USF1: variants seen among roughly 807,000 people sequenced by gnomAD.
USF1 encodes the protein upstream stimulatory factor 1.
In USF1, 22 loss-of-function variants were observed where a neutral mutation model predicts 46.3. That is an observed-to-expected ratio of 0.47 (90% CI 0.34 to 0.68). The LOEUF is 0.68. USF1 is among the 30% of genes least tolerant of loss of function. The pLI is 0.01. For synonymous variants in USF1, 150 were observed against 147.0 expected (o/e 1.02, Z -0.15); for missense variants, 287 against 399.3 (o/e 0.72, Z 2.40).
intron 3 of USF1, 63 bp from the exon 4 acceptor site, chr1:161,042,733 G>T: frequency 6.2e-7 from 1 of 1,609,438 alleles, no homozygotes; most frequent in Non-Finnish European, 8.5e-7. Flanking sequence ...CGTTCCATTT[G>T]CATGTCACGG....
In USF1 at chr1:161,043,483, G is replaced by A; in HGVS notation, c.-85-123C>T. 4.3e-6 allele frequency: 3 copies of A among 702,812 alleles called. No homozygotes were observed. In the Admixed American group the frequency reaches 8.5e-5, roughly 20 times the overall value. The allele number at this position is 702,812 out of a possible 1,614,324, so 43.5% of individuals were successfully genotyped here. On this transcript the variant is annotated intron_variant, in intron 1 of 10. Coordinates refer to ENST00000368021, the MANE Select transcript of USF1 (RefSeq NM_007122.5). ...CCCAGTCATCTGCAGGGGACAATCAGCCTCCACCATACTGATGTTGAGGAC... is the reference window on the plus strand; with the variant it reads ...CCCAGTCATCTGCAGGGGACAATCAACCTCCACCATACTGATGTTGAGGAC...
rs1650444241 is a variant in USF1 at position 161,039,800 on chromosome 1, T to C, written c.*120A>G. On this transcript the variant is annotated 3_prime_UTR_variant, in exon 11 of 11. Coordinates refer to ENST00000368021, the MANE Select transcript of USF1 (RefSeq NM_007122.5). Reference sequence around the variant, plus strand: ...CAGGGCCTCAGTTCAAGGACACACCTTCTGAACTTCCCCCTGTCCCATGCC... The same window carrying C: ...CAGGGCCTCAGTTCAAGGACACACCCTCTGAACTTCCCCCTGTCCCATGCC... 16 of 1,032,334 alleles carry C rather than the reference T, an allele frequency of 1.5e-5. No individual in the cohort carries two copies. In the South Asian group the frequency reaches 2.4e-4, roughly 15 times the overall value. 63.9% of individuals were successfully genotyped at this position (1,032,334 alleles called of 1,614,324 possible).
Position 161,041,240 on chromosome 1 carries a change from T to TGACAGA in USF1, c.560+78_560+83dup, listed in dbSNP as rs1650543326. 3 of 1,175,892 alleles carry TGACAGA rather than the reference T, an allele frequency of 2.6e-6. No homozygotes were observed. In the Admixed American group the frequency reaches 9.4e-5, roughly 37 times the overall value. The allele number at this position is 1,175,892 out of a possible 1,614,324, so 72.8% of individuals were successfully genotyped here. On this transcript the variant is annotated intron_variant, in intron 7 of 10. Coordinates refer to ENST00000368021, the MANE Select transcript of USF1 (RefSeq NM_007122.5). ...TCATGCCACTGCACTCCAGCCTGGG[T>TGACAGA]GACAGAGCAAGACTCTGTCTCAAAA...
chr1:161,041,627 C>T (rs770939732), intron 6 of USF1, 24 bp downstream of exon 6: 1 of 1,593,182 alleles, frequency 6.3e-7, no homozygotes. Flanking sequence ...CCCTTTCAGC[C>T]AGCATCCTCA....
In USF1 at chr1:161,041,409, G is replaced by A. The variant is rs750996166; in HGVS notation, c.475C>T (p.Gln159Ter). 1 of 1,613,108 alleles carries A rather than the reference G, an allele frequency of 6.2e-7. No individual in the cohort carries two copies. Among genetic ancestry groups the A allele is most frequent in the Non-Finnish European group, 8.5e-7 (1 of 1,179,760 alleles). ...LGQATPPGTG[Q>*]FFVMMSPQEV... Reference sequence around the variant, plus strand: ...TGTGGTGACATCATCACAAAGAATTGACCTGTGAAGATGCAGGGTAGGTTC... The same window carrying A: ...TGTGGTGACATCATCACAAAGAATTAACCTGTGAAGATGCAGGGTAGGTTC... The change falls in exon 7 of 11, where the codon CAA becomes TAA. Residue 159 changes from glutamine to a stop codon, truncating the protein, a stop_gained and splice_region_variant. Transcript: ENST00000368021. LOFTEE classifies it high-confidence loss of function.
At position 161,041,824 on chromosome 1, in the gene USF1, G is replaced by C. The variant is rs374204548; in HGVS notation, c.299C>G (p.Thr100Ser). ...CTCCGTGTCAACTGCATCATCACTG[G>C]TGAAAGCACCCTGGATCACCGCCTG... Reference protein sequence around the residue: ...MTQAVIQGAFTSDDAVDTEGT... With the variant: ...MTQAVIQGAFSSDDAVDTEGT... The change falls in exon 6 of 11, where the codon ACC becomes AGC. Residue 100 changes from threonine to serine, a missense_variant. Coordinates refer to ENST00000368021, the MANE Select transcript of USF1 (RefSeq NM_007122.5). 2.5e-6 allele frequency: 4 copies of C among 1,612,974 alleles called. No homozygotes were observed. Among genetic ancestry groups the C allele is most frequent in the Non-Finnish European group, 2.5e-6 (3 of 1,179,230 alleles).
Position 161,042,107 on chromosome 1 carries a change from A to T in USF1, c.276+9T>A. On this transcript the variant is annotated intron_variant, in intron 5 of 10. Transcript: ENST00000368021. The stretch of plus-strand genomic sequence containing the variant: ...AACTCTAGTGACCTCCCCAGCCCAT[A>T]CCCTGTACCTGGGTCATGGATTGAG... 3 of 1,610,102 alleles carry T rather than the reference A, an allele frequency of 1.9e-6. No individual in the cohort carries two copies. The highest frequency in any genetic ancestry group is 2.5e-6 in the Non-Finnish European group (3 of 1,177,794).
intron 1 of USF1, among the ~76,000 whole-genome samples, chr1:161,044,530 G>A (rs937597451): frequency 2.0e-5 from 3 of 152,088 alleles, no homozygotes; most frequent in Non-Finnish European, 4.4e-5. Context: ...CTTGTTTTGG[G>A]GTATCCAGAT....
At position 161,040,446 on chromosome 1, in the gene USF1, C is replaced by T; in HGVS notation, c.715-116G>A. On this transcript the variant is annotated intron_variant, in intron 9 of 10. Coordinates refer to ENST00000368021, the MANE Select transcript of USF1 (RefSeq NM_007122.5). This position sits in a 1 kb window ranked among gnomAD's most constrained non-coding sequence, Gnocchi z 4.0. The stretch of plus-strand genomic sequence containing the variant: ...ATCTAAGGAAGGTGGTATAATATCT[C>T]CCAGGGATACAGGAACCTCAGGGAG... 6.4e-7 allele frequency: 1 copy of T among 1,565,842 alleles called. No homozygotes were observed. Among genetic ancestry groups the T allele is most frequent in the East Asian group, 2.2e-5 (1 of 44,468 alleles).
rs1161230834 is a variant in USF1, at chr1:161,040,129, A to G, written c.843+73T>C. ...AGATGAAGCCTTCTCCATGGAGAAC[A>G]AAGTAGAGGGTGTCAAACTGGGTCA... On this transcript the variant is annotated intron_variant, in intron 10 of 10. Coordinates refer to ENST00000368021, the MANE Select transcript of USF1 (RefSeq NM_007122.5). This position sits in a 1 kb window ranked among gnomAD's most constrained non-coding sequence, Gnocchi z 4.0. 12 of 1,610,246 alleles carry G rather than the reference A, an allele frequency of 7.5e-6. No homozygotes were observed. The highest frequency in any genetic ancestry group is 2.2e-5 in the East Asian group (1 of 44,810).
Position 161,040,661 on chromosome 1 carries a change from C to T in USF1, c.629G>A (p.Arg210His), listed in dbSNP as rs1650512803. 1.2e-6 allele frequency: 2 copies of T among 1,610,390 alleles called. No homozygotes were observed. Among genetic ancestry groups the T allele is most frequent in the Non-Finnish European group, 8.5e-7 (1 of 1,179,810 alleles). Residue 210 changes from arginine (R) to histidine (H), a missense_variant, in exon 9 of 11, where the codon CGC (arginine) becomes CAC (histidine). Physicochemically the swap from Arg to His is conservative, Grantham distance 29. Coordinates refer to ENST00000368021, the MANE Select transcript of USF1 (RefSeq NM_007122.5). The surrounding 1 kb of genome is among the most constrained non-coding windows in gnomAD (Gnocchi z 4.0). ...RRAQHNEVER[R>H]RRDKINNWIV... ...CCAGTTGTTGATCTTGTCTCGGCGGCGACGCTCCACTGTGGGGCAAAGTGG... is the reference window on the plus strand; with the variant it reads ...CCAGTTGTTGATCTTGTCTCGGCGGTGACGCTCCACTGTGGGGCAAAGTGG...
intron 1 of USF1, among the ~76,000 whole-genome samples, chr1:161,043,946 T>TC (rs1381532274): frequency 6.9e-5 from 10 of 144,144 alleles, no homozygotes; most frequent in African/African-American, 1.0e-4. Flanking sequence ...TTTCTTTCTT[T>TC]TTTTTTTTTT....
In USF1 at chr1:161,039,949, C is replaced by T. The variant is rs1213736437; in HGVS notation, c.904G>A (p.Glu302Lys). The T allele has an allele frequency of 6.2e-7, 1 of 1,614,210 alleles. No individual in the cohort carries two copies. The highest frequency in any genetic ancestry group is 8.5e-7 in the Non-Finnish European group (1 of 1,180,030). The change falls in exon 11 of 11, where the codon GAG (glutamate) becomes AAG (lysine). Residue 302 changes from glutamate to lysine, a missense_variant. Coordinates refer to ENST00000368021, the MANE Select transcript of USF1 (RefSeq NM_007122.5). ...LRAQLRHHGL[E>K]VVIKNDSN ...TTGCTGTCATTCTTGATGACGACCT[C>T]TAATCCGTGGTGCCGCAACTGAGCT...
At position 161,040,373 on chromosome 1, in the gene USF1, A is replaced by T; in HGVS notation, c.715-43T>A. 6.2e-7 allele frequency: 1 copy of T among 1,608,708 alleles called. No individual in the cohort carries two copies. Among genetic ancestry groups the T allele is most frequent in the Non-Finnish European group, 8.5e-7 (1 of 1,176,280 alleles). The stretch of plus-strand genomic sequence containing the variant: ...CAAAATGAGAACTAGGATTTCAGAT[A>T]CCCAGCTTGCTTTCCAAAAGTAGGT... On this transcript the variant is annotated intron_variant, in intron 9 of 10. Transcript: ENST00000368021. The surrounding 1 kb of genome is among the most constrained non-coding windows in gnomAD (Gnocchi z 4.0).
Position 161,040,025 on chromosome 1 carries a change from G to C in USF1, c.844-16C>G, listed in dbSNP as rs1233546196. ...GATCTTCCACCTGACATGGGAAGGA[G>C]GCAGTAAAGGGAATGGGTAGTAAAG... On this transcript the variant is annotated splice_polypyrimidine_tract_variant and intron_variant, in intron 10 of 10. Coordinates refer to ENST00000368021, the MANE Select transcript of USF1 (RefSeq NM_007122.5). This position sits in a 1 kb window ranked among gnomAD's most constrained non-coding sequence, Gnocchi z 4.0. 6.2e-7 allele frequency: 1 copy of C among 1,614,108 alleles called. No homozygotes were observed. The highest frequency in any genetic ancestry group is 1.7e-5 in the Admixed American group (1 of 60,016).
rs752577871 is a variant in USF1 at position 161,040,036 on chromosome 1, G to T, written c.844-27C>A. 112 of 1,613,806 alleles carry T rather than the reference G, an allele frequency of 6.9e-5. 2 individuals carry two copies. The highest frequency in any genetic ancestry group is 8.9e-5 in the East Asian group (4 of 44,894). ...TGACATGGGAAGGAGGCAGTAAAGGGAATGGGTAGTAAAGCTGGCACTTCC... is the reference window on the plus strand; with the variant it reads ...TGACATGGGAAGGAGGCAGTAAAGGTAATGGGTAGTAAAGCTGGCACTTCC... On this transcript the variant is annotated intron_variant, in intron 10 of 10. Coordinates refer to ENST00000368021, the MANE Select transcript of USF1 (RefSeq NM_007122.5). The surrounding 1 kb of genome is among the most constrained non-coding windows in gnomAD (Gnocchi z 4.0).
intron 1 of USF1, 87 bp from the exon 2 acceptor site, chr1:161,043,447 C>T: frequency 9.8e-7 from 1 of 1,016,176 alleles, no homozygotes; most frequent in South Asian, 1.6e-5. Flanking sequence ...AACACATAGC[C>T]AGGAAAATAA....
chr1:161,040,598 A>G lies in USF1; in HGVS notation c.692T>C (p.Met231Thr). 1 of 1,612,622 alleles carries G rather than the reference A, an allele frequency of 6.2e-7. No individual in the cohort carries two copies. Among genetic ancestry groups the G allele is most frequent in the African/African-American group, 1.3e-5 (1 of 74,882 alleles). Residue 231 changes from methionine to threonine, a missense_variant, in exon 9 of 11, where the codon ATG (methionine) becomes ACG (threonine). By Grantham distance (81) the Met-to-Thr change is moderately conservative (BLOSUM62 -1). Coordinates refer to ENST00000368021, the MANE Select transcript of USF1 (RefSeq NM_007122.5). The surrounding 1 kb of genome is among the most constrained non-coding windows in gnomAD (Gnocchi z 4.0). Reference sequence around the variant, plus strand: ...GACCTGGCCAGACTTGGTGCTCTCCATAGAGCAGTCTGGGATTATCTTGGA... The same window carrying G: ...GACCTGGCCAGACTTGGTGCTCTCCGTAGAGCAGTCTGGGATTATCTTGGA... ...QLSKIIPDCS[M>T]ESTKSGQSKG...
chr1:161,039,770 T>C lies in USF1; in HGVS notation c.*150A>G, dbSNP rs1475694418. The C allele has an allele frequency of 7.9e-6, 6 of 763,760 alleles. No individual in the cohort carries two copies. 47.3% of individuals were successfully genotyped at this position (763,760 alleles called of 1,614,324 possible). A position where few individuals can be genotyped will look rare whatever the true frequency, so the allele number is the denominator to read the frequency against. On this transcript the variant is annotated 3_prime_UTR_variant, in exon 11 of 11. Coordinates refer to ENST00000368021, the MANE Select transcript of USF1 (RefSeq NM_007122.5). The stretch of plus-strand genomic sequence containing the variant: ...TGTTTCACACCACTGCAGGCCGCCA[T>C]ATCACAGGGCCTCAGTTCAAGGACA...
Sources: gnomAD v4.1 joint callset for allele counts (sites outside exome capture counted in the v4.1 genomes callset) on GRCh38, gnomAD v4.1.1 for gene constraint, Gnocchi (gnomAD v3.1) non-coding constraint, MANE v1.5 for transcripts, NCBI Gene and HGNC (gene_info 2026-07-23, HGNC 2026-07-21) for gene names.